RGL1: variants seen among roughly 807,000 people sequenced by gnomAD.
RGL1 encodes the protein ral guanine nucleotide dissociation stimulator-like 1.
A neutral mutation model predicts 95.2 loss-of-function variants in RGL1; 24 were observed. That is an observed-to-expected ratio of 0.25 (90% CI 0.18 to 0.35). The LOEUF is 0.35. Ranked by LOEUF, RGL1 falls within the 10% of genes least tolerant of loss-of-function variation. The pLI, the probability that RGL1 is intolerant of heterozygous loss-of-function variation, is 1.00. For missense variants in RGL1, 715 were observed against 936.3 expected (o/e 0.76, Z 3.08); for synonymous variants, 329 against 344.9 (o/e 0.95, Z 0.51).
intron 2 of RGL1, among the ~76,000 whole-genome samples, chr1:183,823,837 T>C (rs1662663605): frequency 6.6e-6 from 1 of 152,186 alleles, no homozygotes; most frequent in Non-Finnish European, 1.5e-5. Flanking sequence ...TCACACAAGC[T>C]GGAGTGCAGT....
chr1:183,638,167 G>T (rs185512827), intron 1 of RGL1, among the ~76,000 whole-genome samples: 159 of 152,210 alleles, frequency 1.0e-3, no homozygotes, highest in African/African-American at 3.7e-3. Flanking sequence ...AAGAATCCCA[G>T]AGTAGAAATC....
intron 1 of RGL1, among the ~76,000 whole-genome samples, chr1:183,699,437 G>A (rs1278043162): frequency 1.3e-5 from 2 of 152,132 alleles, no homozygotes; most frequent in Non-Finnish European, 2.9e-5. Flanking sequence ...GTTCTAGAGA[G>A]CCCATCTTTC....
At chr1:183,692,063 ATT>A (rs1653975466) in intron 1 of RGL1, among the ~76,000 whole-genome samples, 1 of 150,772 alleles carries the variant, frequency 6.6e-6, no homozygotes, top group South Asian at 2.1e-4. Flanking sequence ...TAATATATAT[ATT>A]ATTACATTAT....
intron 1 of RGL1, among the ~76,000 whole-genome samples, chr1:183,696,927 A>G (rs1359659737): frequency 6.6e-6 from 1 of 152,164 alleles, no homozygotes; most frequent in Non-Finnish European, 1.5e-5. Context: ...AGCTTGAACT[A>G]TTCTAGTTGC....
chr1:183,811,282 C>T (rs1661695309), intron 2 of RGL1, among the ~76,000 whole-genome samples: 1 of 152,062 alleles, frequency 6.6e-6, no homozygotes, highest in South Asian at 2.1e-4. Flanking sequence ...TCTCTTGCTG[C>T]TGAATGTTGA....
At chr1:183,692,694 A>G (rs1401964675) in intron 1 of RGL1, among the ~76,000 whole-genome samples, 2 of 152,212 alleles carry the variant, frequency 1.3e-5, no homozygotes, top group Non-Finnish European at 1.5e-5. Flanking sequence ...AAACAATAGC[A>G]TTATGAAGGG....
At chr1:183,826,542 G>T (rs774636423) in intron 2 of RGL1, among the ~76,000 whole-genome samples, 4 of 152,132 alleles carry the variant, frequency 2.6e-5, no homozygotes, top group Non-Finnish European at 5.9e-5. Flanking sequence ...GTGATTATTT[G>T]TGGAATAAAT....
chr1:183,828,391 G>A (rs1443580390), intron 2 of RGL1, among the ~76,000 whole-genome samples: 1 of 152,176 alleles, frequency 6.6e-6, no homozygotes, highest in Non-Finnish European at 1.5e-5. Flanking sequence ...TTTATTTACA[G>A]CATCTGACAT....
chr1:183,681,125 G>A (rs1260551135), intron 1 of RGL1, among the ~76,000 whole-genome samples: 1 of 152,182 alleles, frequency 6.6e-6, no homozygotes, highest in Non-Finnish European at 1.5e-5. Flanking sequence ...TGCAAACAGA[G>A]ACAATTTGAC....
intron 2 of RGL1, among the ~76,000 whole-genome samples, chr1:183,751,377 C>T (rs1657987472): frequency 6.6e-6 from 1 of 152,170 alleles, no homozygotes; most frequent in Admixed American, 6.6e-5. Flanking sequence ...GGAAAAGTGC[C>T]TATTCAAGCC....
chr1:183,813,320 C>T (rs751879010), intron 2 of RGL1, among the ~76,000 whole-genome samples: 3 of 152,190 alleles, frequency 2.0e-5, no homozygotes, highest in Non-Finnish European at 4.4e-5. Context: ...TCAAGTCAGC[C>T]TTCCTCCATA....
chr1:183,713,376 A>ACCCCC (rs67341503), intron 1 of RGL1, among the ~76,000 whole-genome samples: 2 of 48,198 alleles, frequency 4.1e-5, no homozygotes, highest in Non-Finnish European at 3.5e-5. Flanking sequence ...ATCTAGAGGC[A>ACCCCC]CCCCCCCCCC....
At position 183,648,704 on chromosome 1, in the gene RGL1, G is replaced by A. The variant is rs144155004; in HGVS notation, c.-33+12203G>A. The A allele has an allele frequency of 2.1e-3, 3,381 of 1,614,090 alleles. 10 individuals are homozygous for A. The highest frequency in any genetic ancestry group is 2.1e-3 in the Non-Finnish European group (2,530 of 1,180,024). ...TATGGTAAGGACAATTAGAGCAATC[G>A]AGAGAGAAGCTTAGCCAGTAATATG... On this transcript the variant is annotated intron_variant, in intron 1 of 18. Coordinates refer to the RGL1 transcript ENST00000304685.
chr1:183,925,353 A>T (rs1236897736), intron 17 of RGL1, among the ~76,000 whole-genome samples: 2 of 152,156 alleles, frequency 1.3e-5, no homozygotes, highest in African/African-American at 4.8e-5. Flanking sequence ...GGAAAAGGGG[A>T]GGGAGAGCAT....
At chr1:183,887,212 C>CTCTTTCTCTCTCCTTCTG (rs1667171943) in intron 7 of RGL1, among the ~76,000 whole-genome samples, 6 of 130,432 alleles carry the variant, frequency 4.6e-5, no homozygotes, top group Non-Finnish European at 8.1e-5. Flanking sequence ...TCCTTCTTCT[C>CTCTTTCTCTCTCCTTCTG]TCTTTCTCTT....
chr1:183,774,525 AC>A (rs1365532076), intron 2 of RGL1, among the ~76,000 whole-genome samples: 1 of 150,308 alleles, frequency 6.7e-6, no homozygotes, highest in African/African-American at 2.5e-5. Context: ...ATAGAAATTA[AC>A]CCTTCTGGTC....
At chr1:183,866,111 C>A in intron 4 of RGL1, 38 bp downstream of exon 4, 3 of 1,484,986 alleles carry the variant, frequency 2.0e-6, no homozygotes, top group South Asian at 2.3e-5. Context: ...AGCTCTCAGT[C>A]AAGACAATAT....
At chr1:183,772,334 G>A (rs1207008864) in intron 2 of RGL1, among the ~76,000 whole-genome samples, 2 of 152,218 alleles carry the variant, frequency 1.3e-5, no homozygotes, top group African/African-American at 4.8e-5. Flanking sequence ...AAGTCTGTAT[G>A]CTCCCCTAGA....
rs140338164 is a variant in RGL1, at chr1:183,657,286, T to G, written c.-33+20785T>G. Reference sequence around the variant, plus strand: ...AGTTTTCAGTGTATAAATCTTTCTTTTTTAAAAAATTTTATTATTATACTT... The same window carrying G: ...AGTTTTCAGTGTATAAATCTTTCTTGTTTAAAAAATTTTATTATTATACTT... On this transcript the variant is annotated intron_variant, in intron 1 of 18. Coordinates refer to the RGL1 transcript ENST00000304685. 2.4e-3 allele frequency among the ~76,000 whole-genome samples: 360 copies of G among 152,338 alleles called. 6 individuals carry two copies. The highest frequency in any genetic ancestry group is 7.7e-3 in the African/African-American group (322 of 41,578).
Sources: gnomAD v4.1 joint callset for allele counts (sites outside exome capture counted in the v4.1 genomes callset) on GRCh38, gnomAD v4.1.1 for gene constraint, MANE v1.5 for transcripts, NCBI Gene and HGNC (gene_info 2026-07-23, HGNC 2026-07-21) for gene names.